PTPRT: variants seen among roughly 807,000 people sequenced by gnomAD.
PTPRT encodes protein tyrosine phosphatase receptor type T.
Under a neutral mutation model 176.8 loss-of-function variants are expected in PTPRT, and 56 were observed. That is an observed-to-expected ratio of 0.32 (90% CI 0.26 to 0.40). The LOEUF (loss-of-function observed/expected upper bound fraction) is 0.40, where lower values mean the gene tolerates loss of function less well. Ranked by LOEUF, PTPRT falls within the 10% of genes least tolerant of loss-of-function variation. The pLI is 1.00. For missense variants in PTPRT, 1,540 were observed against 1,908.2 expected (o/e 0.81, Z 3.60); for synonymous variants, 783 against 739.0 (o/e 1.06, Z -0.96).
At chr20:42,615,945 G>C (rs2074067473) in intron 7 of PTPRT, among the ~76,000 whole-genome samples, 1 of 120,566 alleles carries the variant, frequency 8.3e-6, no homozygotes, top group African/African-American at 4.4e-5. Context: ...AGTTTAATGA[G>C]ATCCCATTTG....
At chr20:42,081,606 A>G (rs1011157506) in intron 30 of PTPRT, among the ~76,000 whole-genome samples, 5 of 152,220 alleles carry the variant, frequency 3.3e-5, no homozygotes, top group Non-Finnish European at 4.4e-5. Context: ...CCTTTCCTTT[A>G]GGCCTGAATT....
chr20:42,772,522 T>C (rs1600721314), intron 4 of PTPRT, among the ~76,000 whole-genome samples: 1 of 152,306 alleles, frequency 6.6e-6, no homozygotes, highest in Non-Finnish European at 1.5e-5. Flanking sequence ...TTCATCTCTT[T>C]CCTTTTTTGT....
At chr20:43,046,978 G>A (rs140897749) in intron 1 of PTPRT, among the ~76,000 whole-genome samples, 435 of 152,140 alleles carry the variant, frequency 2.9e-3, no homozygotes, top group Non-Finnish European at 4.1e-3. Flanking sequence ...ATAATTCTTC[G>A]GCAATTATTC....
intron 2 of PTPRT, among the ~76,000 whole-genome samples, chr20:42,837,545 C>T (rs550319810): frequency 1.3e-5 from 2 of 152,304 alleles, no homozygotes; most frequent in Admixed American, 1.3e-4. Flanking sequence ...GCCAGGTCTG[C>T]TGCAGTCCAG....
intron 1 of PTPRT, among the ~76,000 whole-genome samples, chr20:43,000,482 G>GA (rs1252600082): frequency 6.6e-6 from 1 of 151,776 alleles, no homozygotes; most frequent in Non-Finnish European, 1.5e-5. Context: ...CAAAGAAATT[G>GA]AAAAAAACCA....
chr20:42,534,516 G>T (rs921188103), intron 7 of PTPRT, among the ~76,000 whole-genome samples: 8 of 152,126 alleles, frequency 5.3e-5, no homozygotes, highest in Non-Finnish European at 1.2e-4. Context: ...AGCGCCTGTA[G>T]TCCCAGCTAC....
intron 1 of PTPRT, among the ~76,000 whole-genome samples, chr20:43,002,507 T>C (rs1339232525): frequency 6.6e-6 from 1 of 152,086 alleles, no homozygotes; most frequent in African/African-American, 2.4e-5. Context: ...GAAAACACCA[T>C]TAAGTTTTCA....
chr20:42,453,693 A>C (rs569673829), intron 8 of PTPRT, among the ~76,000 whole-genome samples: 2 of 136,676 alleles, frequency 1.5e-5, no homozygotes, highest in East Asian at 2.1e-4. Context: ...TTTTTAAGAC[A>C]GAGTTTCACT....
chr20:42,230,905 A>G (rs931549201), intron 15 of PTPRT, among the ~76,000 whole-genome samples: 1 of 152,100 alleles, frequency 6.6e-6, no homozygotes, highest in African/African-American at 2.4e-5. Context: ...CCATAGCTCC[A>G]TTTTTATTGG....
chr20:42,534,593 G>A lies in PTPRT; in HGVS notation c.1154-62031C>T, dbSNP rs557811900. ...AGAGCTTGCAGTGAGCCGAGATCAC[G>A]CCACTGCACTCCAGCCTGGGCGACA... On this transcript the variant is annotated intron_variant, in intron 7 of 30. Transcript: ENST00000373187. Among the ~76,000 whole-genome samples the A allele has an allele frequency of 2.0e-4, 30 of 152,156 alleles. No individual in the cohort carries two copies. The South Asian group carries it at 5.6e-3, about 28-fold the overall frequency.
At chr20:42,265,653 G>A (rs1048954832) in intron 13 of PTPRT, among the ~76,000 whole-genome samples, 1 of 151,922 alleles carries the variant, frequency 6.6e-6, no homozygotes, top group Non-Finnish European at 1.5e-5. Context: ...AGCTTCACCC[G>A]GTTCTCCTGC....
At chr20:43,131,676 A>G (rs927064059) in intron 1 of PTPRT, among the ~76,000 whole-genome samples, 12 of 152,244 alleles carry the variant, frequency 7.9e-5, no homozygotes, top group Non-Finnish European at 1.8e-4. Flanking sequence ...CAAAGCCAGC[A>G]TAATACTGAT....
At chr20:42,633,078 A>G (rs1020709582) in intron 7 of PTPRT, among the ~76,000 whole-genome samples, 4 of 152,138 alleles carry the variant, frequency 2.6e-5, no homozygotes, top group Non-Finnish European at 4.4e-5. Context: ...TATGGAGAAA[A>G]CAGTCCTCTC....
chr20:42,240,215 G>T (rs2056325678), intron 14 of PTPRT, among the ~76,000 whole-genome samples: 1 of 152,162 alleles, frequency 6.6e-6, no homozygotes, highest in South Asian at 2.1e-4. Flanking sequence ...CCAGGATAAT[G>T]GTAACTGACA....
chr20:42,428,478 T>C (rs912097111), intron 9 of PTPRT, among the ~76,000 whole-genome samples: 1 of 152,230 alleles, frequency 6.6e-6, no homozygotes, highest in Non-Finnish European at 1.5e-5. Context: ...TGACTTGGTA[T>C]GGGAAACTTT....
intron 15 of PTPRT, among the ~76,000 whole-genome samples, chr20:42,201,731 A>C (rs1246637038): frequency 8.0e-5 from 2 of 24,848 alleles, no homozygotes; most frequent in Non-Finnish European, 8.0e-5. Context: ...AACCAGAGGC[A>C]AAAAAAAAAA....
chr20:42,184,586 TTCTTCTTCC>T, intron 16 of PTPRT, among the ~76,000 whole-genome samples: 6 of 143,556 alleles, frequency 4.2e-5, no homozygotes, highest in African/African-American at 1.3e-4. Context: ...CTTCTTCTTC[TTCTTCTTCC>T]TCTTCTTCTT....
chr20:43,161,938 C>G (rs1031472489), intron 1 of PTPRT, among the ~76,000 whole-genome samples: 1 of 152,152 alleles, frequency 6.6e-6, no homozygotes, highest in Non-Finnish European at 1.5e-5. Flanking sequence ...TAGAGCATAA[C>G]AGCGTTTTAT....
intron 15 of PTPRT, among the ~76,000 whole-genome samples, chr20:42,208,426 C>T (rs1191334830): frequency 6.6e-6 from 1 of 150,420 alleles, no homozygotes; most frequent in Non-Finnish European, 1.5e-5. Flanking sequence ...CACATAGGCT[C>T]AAAATAAAAG....
Sources: allele counts gnomAD v4.1 joint callset (sites outside exome capture counted in the v4.1 genomes callset), GRCh38; gene constraint gnomAD v4.1.1; transcripts MANE v1.5; gene names NCBI Gene and HGNC (gene_info 2026-07-23, HGNC 2026-07-21).